The following ARFGEF1 variants were observed in gnomAD, a reference collection of about 807,000 sequenced individuals.
The protein encoded by ARFGEF1 is ARF guanine nucleotide exchange factor 1.
In ARFGEF1, 42 loss-of-function variants were observed where a neutral mutation model predicts 231.0. The ratio of observed to expected loss-of-function variants is 0.18; its 90% CI spans 0.14 to 0.24. ARFGEF1 has a LOEUF of 0.24. ARFGEF1 is among the 10% of genes least tolerant of loss of function. ARFGEF1 has a pLI of 1.00. For synonymous variants in ARFGEF1, 710 were observed against 732.3 expected, an observed-to-expected ratio of 0.97 and a Z score of 0.49; for missense variants, 1,345 against 2,192.0, an observed-to-expected ratio of 0.61 and a Z score of 7.72.
Position 67,257,736 on chromosome 8 carries a change from G to A in ARFGEF1, c.2522C>T (p.Pro841Leu). 1 of 1,599,418 alleles carries A rather than the reference G, an allele frequency of 6.3e-7. No homozygotes were observed. The highest frequency in any genetic ancestry group is 8.5e-7 in the Non-Finnish European group (1 of 1,170,314). ...CTGACTTAAAAGAAAACATACCTGTGGACTGTGAAGGTCTGTGGTCAACAT... is the reference window on the plus strand; with the variant it reads ...CTGACTTAAAAGAAAACATACCTGTAGACTGTGAAGGTCTGTGGTCAACAT... Reference protein sequence around the residue: ...IIMLTTDLHSPQVKNKMTKEQ... With the variant: ...IIMLTTDLHSLQVKNKMTKEQ... Residue 841 changes from proline to leucine, a missense_variant, in exon 17 of 39, where the codon CCA becomes CTA. Transcript: ENST00000262215.
At chr8:67,337,789 C>A (rs1354275845) in intron 1 of ARFGEF1, among the ~76,000 whole-genome samples, 1 of 152,190 alleles carries the variant, frequency 6.6e-6, no homozygotes, top group Non-Finnish European at 1.5e-5. Context: ...CTTTAACCTT[C>A]TGAACTCTTT....
chr8:67,189,399 T>G (rs953788133), intron 5 of ARFGEF1, among the ~76,000 whole-genome samples: 7 of 152,208 alleles, frequency 4.6e-5, no homozygotes, highest in African/African-American at 1.7e-4. Flanking sequence ...TAAAGTGTGG[T>G]ACATCCAGAC....
chr8:67,218,165 T>G (rs1436522827), intron 30 of ARFGEF1, 27 bp from the exon 31 acceptor site: 5 of 1,236,864 alleles, frequency 4.0e-6, no homozygotes, highest in Non-Finnish European at 4.2e-6. Context: ...TTAATGAACA[T>G]CACGCCATTA....
In ARFGEF1 at chr8:67,315,269, G is replaced by A. The variant is rs1213709596; in HGVS notation, c.125-12803C>T. ...TTCAAAATAACATGAAATTGAAATG[G>A]ATAGAACTAAAAGGAGAAACAGACA... On this transcript the variant is annotated intron_variant, in intron 1 of 38. Transcript: ENST00000262215. Among the ~76,000 whole-genome samples the A allele has an allele frequency of 3.3e-5, 5 of 152,038 alleles. No homozygotes were observed. The East Asian group carries it at 9.6e-4, about 29-fold the overall frequency.
At chr8:67,341,178 T>A (rs1345520367) in intron 1 of ARFGEF1, among the ~76,000 whole-genome samples, 1 of 152,164 alleles carries the variant, frequency 6.6e-6, no homozygotes, top group Non-Finnish European at 1.5e-5. Context: ...TGCTTACTTA[T>A]GTTACTACTT....
At chr8:67,188,563 T>C (rs904692645) in intron 5 of ARFGEF1, among the ~76,000 whole-genome samples, 6 of 152,210 alleles carry the variant, frequency 3.9e-5, no homozygotes, top group African/African-American at 1.4e-4. Flanking sequence ...CCTCCCATTG[T>C]ATGGGAACTC....
chr8:67,177,871 A>G, intron 5 of ARFGEF1: 3 of 697,018 alleles, frequency 4.3e-6, no homozygotes. Context: ...GGATAGCTTG[A>G]GAAGTGTTAG....
chr8:67,201,670 C>T lies in ARFGEF1; in HGVS notation c.5129-65G>A, dbSNP rs531633938. On this transcript the variant is annotated intron_variant, in intron 36 of 38. Transcript: ENST00000262215. ...CATCTTATGTAAAGGTGAAACAGCC[C>T]GTATGGAGGCACATTTTGTTTGTGC... The T allele has an allele frequency of 3.4e-5, 54 of 1,591,292 alleles. No individual in the cohort carries two copies. The African/African-American group carries it at 4.9e-4, about 14-fold the overall frequency.
At chr8:67,257,897 G>A (rs1442699483) in intron 16 of ARFGEF1, 81 bp from the exon 17 acceptor site, 1 of 1,290,410 alleles carries the variant, frequency 7.7e-7, no homozygotes, top group Non-Finnish European at 1.1e-6. Context: ...AAATCCCATA[G>A]CACTTTTATT....
intron 14 of ARFGEF1, among the ~76,000 whole-genome samples, chr8:67,262,599 T>C (rs559330788): frequency 6.6e-6 from 1 of 152,332 alleles, no homozygotes; most frequent in African/African-American, 2.4e-5. Context: ...GAGAAATCTT[T>C]CGTGAATGGA....
chr8:67,204,857 A>C (rs751961315), intron 34 of ARFGEF1, 38 bp from the exon 35 acceptor site: 5 of 1,608,212 alleles, frequency 3.1e-6, no homozygotes, highest in Non-Finnish European at 4.2e-6. Context: ...TGCAAACAAA[A>C]AATTATTTTG....
chr8:67,310,337 G>A lies in ARFGEF1; in HGVS notation c.125-7871C>T, dbSNP rs369488255. Among the ~76,000 whole-genome samples, 8 of 152,338 alleles carry A rather than the reference G, an allele frequency of 5.3e-5. No homozygotes were observed. In the South Asian group the frequency reaches 1.2e-3, roughly 24 times the overall value. On this transcript the variant is annotated intron_variant, in intron 1 of 38. Coordinates refer to ENST00000262215, the MANE Select transcript of ARFGEF1 (RefSeq NM_006421.5). ...CGGTCTCCAGCCCTTAACCGCGAGT[G>A]ATCCGCCAGCCTCAGCCTCCCGAGG...
chr8:67,258,830 C>CAT (rs1840549152), intron 15 of ARFGEF1, among the ~76,000 whole-genome samples: 1 of 151,012 alleles, frequency 6.6e-6, no homozygotes. Context: ...CACACACACA[C>CAT]ACACACACAC....
chr8:67,328,914 T>G (rs1807964470), intron 1 of ARFGEF1, among the ~76,000 whole-genome samples: 1 of 152,208 alleles, frequency 6.6e-6, no homozygotes, highest in South Asian at 2.1e-4. Flanking sequence ...ATGGAAATAC[T>G]GTGGTAATTT....
At chr8:67,241,904 G>T (rs1024531768) in intron 19 of ARFGEF1, among the ~76,000 whole-genome samples, 33 of 152,142 alleles carry the variant, frequency 2.2e-4, no homozygotes, top group African/African-American at 8.0e-4. Flanking sequence ...GTGTACTTGG[G>T]AGAGGGACAG....
intron 15 of ARFGEF1, among the ~76,000 whole-genome samples, chr8:67,258,818 TACACACACACACACACACACAC>T (rs10576509): frequency 9.1e-5 from 13 of 142,934 alleles, no homozygotes; most frequent in African/African-American, 3.1e-4. Flanking sequence ...AAGCAGATTT[TACACACACACACACACACACAC>T]ACACACACAC....
At chr8:67,309,802 C>T (rs931572697) in intron 1 of ARFGEF1, among the ~76,000 whole-genome samples, 2 of 152,240 alleles carry the variant, frequency 1.3e-5, no homozygotes, top group Admixed American at 6.5e-5. Context: ...AGTTTTCCAA[C>T]GTTTCTGACT....
chr8:67,263,157 T>A (rs1392754736), intron 14 of ARFGEF1, among the ~76,000 whole-genome samples: 1 of 152,214 alleles, frequency 6.6e-6, no homozygotes, highest in Non-Finnish European at 1.5e-5. Context: ...GTCTATTTCC[T>A]CTGCATGTCT....
intron 26 of ARFGEF1, 60 bp from the exon 27 acceptor site, chr8:67,227,369 C>A: frequency 6.3e-7 from 1 of 1,596,202 alleles, no homozygotes; most frequent in Non-Finnish European, 8.6e-7. Context: ...CAGTTTTTCC[C>A]CCTTTCTTCT....
Sources: allele counts gnomAD v4.1 joint callset (sites outside exome capture counted in the v4.1 genomes callset), GRCh38; gene constraint gnomAD v4.1.1; transcripts MANE v1.5; gene names NCBI Gene and HGNC (gene_info 2026-07-23, HGNC 2026-07-21).